SHISA6: variants seen among roughly 807,000 people sequenced by gnomAD.
SHISA6 encodes shisa family member 6, also known as protein shisa-6.
A neutral mutation model predicts 47.9 loss-of-function variants in SHISA6; 22 were observed. That is an observed-to-expected ratio of 0.46 (90% confidence interval 0.33 to 0.66). SHISA6 has a LOEUF of 0.66. Ranked by LOEUF, SHISA6 falls within the 30% of genes least tolerant of loss-of-function variation. The pLI, the probability that SHISA6 is intolerant of heterozygous loss-of-function variation, is 0.02. For missense variants in SHISA6, 680 were observed against 764.6 expected, an observed-to-expected ratio of 0.89 and a Z score of 1.30; for synonymous variants, 388 against 337.8, an observed-to-expected ratio of 1.15 and a Z score of -1.63.
At chr17:11,521,641 C>CA (rs1172464898) in intron 3 of SHISA6, among the ~76,000 whole-genome samples, 2 of 151,496 alleles carry the variant, frequency 1.3e-5, no homozygotes, top group African/African-American at 2.4e-5. Context: ...CCCATCTCTA[C>CA]AAAAAACAAA....
chr17:11,306,828 T>TA (rs1910125716), intron 2 of SHISA6, among the ~76,000 whole-genome samples: 9 of 152,234 alleles, frequency 5.9e-5, no homozygotes, highest in Admixed American at 5.9e-4. Flanking sequence ...ATCTGCTTTA[T>TA]CCTTTGCTTC....
chr17:11,250,024 C>T (rs971759610), intron 1 of SHISA6, among the ~76,000 whole-genome samples: 5 of 152,170 alleles, frequency 3.3e-5, no homozygotes, highest in African/African-American at 4.8e-5. Flanking sequence ...ATGCTTTATC[C>T]GTGTGTCAGG....
At chr17:11,495,993 T>TCATCCACC (rs2071404614) in intron 3 of SHISA6, among the ~76,000 whole-genome samples, 1 of 148,736 alleles carries the variant, frequency 6.7e-6, no homozygotes. Flanking sequence ...ATTTATCCAT[T>TCATCCACC]CATCCATCCA....
At chr17:11,334,088 C>G (rs1911230124) in intron 2 of SHISA6, among the ~76,000 whole-genome samples, 1 of 152,102 alleles carries the variant, frequency 6.6e-6, no homozygotes, top group Non-Finnish European at 1.5e-5. Context: ...GTGAGCCATT[C>G]CAGAAATTAC....
chr17:11,525,184 G>A (rs527671460), intron 3 of SHISA6, among the ~76,000 whole-genome samples: 3 of 152,254 alleles, frequency 2.0e-5, no homozygotes, highest in Non-Finnish European at 4.4e-5. Flanking sequence ...CTACTCACCT[G>A]CATATTTGAT....
At chr17:11,499,003 T>A (rs549490227) in intron 3 of SHISA6, among the ~76,000 whole-genome samples, 3 of 152,046 alleles carry the variant, frequency 2.0e-5, no homozygotes, top group Non-Finnish European at 4.4e-5. Context: ...GAAGCTGCAG[T>A]CACACCACCT....
intron 2 of SHISA6, among the ~76,000 whole-genome samples, chr17:11,354,841 C>T (rs956059137): frequency 6.6e-6 from 1 of 152,216 alleles, no homozygotes; most frequent in African/African-American, 2.4e-5. Flanking sequence ...GGAAGGCTCT[C>T]TTTCTTCCCA....
chr17:11,525,632 AAAAAAAAAAAAAAAAAAAAC>A (rs1425838354), intron 3 of SHISA6, among the ~76,000 whole-genome samples: 6 of 19,950 alleles, frequency 3.0e-4, no homozygotes, highest in Non-Finnish European at 3.6e-4. Context: ...ACTCCGTCTC[AAAAAAAAAAAAAAAAAAAAC>A]AAAAAAAAAA....
Position 11,555,795 on chromosome 17 carries a change from C to T in SHISA6, c.1008C>T (p.Ser336=). The T allele has an allele frequency of 1.3e-6, 2 of 1,551,968 alleles. No homozygotes were observed. Among genetic ancestry groups the T allele is most frequent in the Non-Finnish European group, 1.7e-6 (2 of 1,146,974 alleles). The change falls in exon 5 of 6, where the codon TCC becomes TCT. Residue 336 remains serine (S), a synonymous_variant. Transcript: ENST00000441885. ...CAGCCACCGAGCCCTATGACCTCTCCTTCTCCCGCTCGTTCCAGAACTTGG... is the reference window on the plus strand; with the variant it reads ...CAGCCACCGAGCCCTATGACCTCTCTTTCTCCCGCTCGTTCCAGAACTTGG... ...LTSATEPYDL[S]FSRSFQNLAH... is the part of the protein sequence containing the mutation.
intron 2 of SHISA6, among the ~76,000 whole-genome samples, chr17:11,308,130 A>G (rs534587122): frequency 8.1e-4 from 123 of 152,304 alleles, no homozygotes; most frequent in Non-Finnish European, 1.4e-3. Context: ...GGGGGCCTTT[A>G]GAAATGCTGG....
intron 2 of SHISA6, among the ~76,000 whole-genome samples, chr17:11,311,174 C>T (rs531703739): frequency 1.4e-5 from 2 of 145,448 alleles, no homozygotes; most frequent in Admixed American, 1.4e-4. Context: ...TCCAGCTACT[C>T]AGGAGGCTGA....
At chr17:11,386,672 G>T (rs1466556111) in intron 3 of SHISA6, among the ~76,000 whole-genome samples, 3 of 152,196 alleles carry the variant, frequency 2.0e-5, no homozygotes, top group African/African-American at 7.2e-5. Flanking sequence ...AACATTCTTG[G>T]TAAGTGAAAG....
intron 3 of SHISA6, among the ~76,000 whole-genome samples, chr17:11,451,378 C>G (rs12940269): frequency 2.0e-5 from 3 of 152,116 alleles, no homozygotes; most frequent in South Asian, 2.1e-4. Context: ...TTCATTCATC[C>G]GACAAAAGCT....
intron 2 of SHISA6, among the ~76,000 whole-genome samples, chr17:11,319,629 G>C (rs1910646077): frequency 6.6e-6 from 1 of 152,268 alleles, no homozygotes; most frequent in East Asian, 1.9e-4. Context: ...AGTCATGTTT[G>C]ACTAGCCTTC....
intron 2 of SHISA6, among the ~76,000 whole-genome samples, chr17:11,294,789 G>T (rs1443235296): frequency 6.6e-6 from 1 of 151,894 alleles, no homozygotes; most frequent in Non-Finnish European, 1.5e-5. Flanking sequence ...CTAAAAGATT[G>T]GTTCTTACAA....
chr17:11,394,904 TTGCA>T (rs1365691970), intron 3 of SHISA6, among the ~76,000 whole-genome samples: 1 of 151,906 alleles, frequency 6.6e-6, no homozygotes, highest in African/African-American at 2.4e-5. Flanking sequence ...ATGTACAGTT[TTGCA>T]ACTATATGTA....
At chr17:11,275,074 A>G (rs1567557518) in intron 2 of SHISA6, among the ~76,000 whole-genome samples, 1 of 152,148 alleles carries the variant, frequency 6.6e-6, no homozygotes, top group Admixed American at 6.6e-5. Context: ...AGGAGTGATT[A>G]AAGATTTGGG....
intron 3 of SHISA6, among the ~76,000 whole-genome samples, chr17:11,449,101 T>C (rs1597520108): frequency 6.6e-6 from 1 of 152,090 alleles, no homozygotes; most frequent in Non-Finnish European, 1.5e-5. Context: ...CATGAAGCAT[T>C]GACATGAATG....
At chr17:11,552,854 G>T (rs1387662946) in intron 4 of SHISA6, among the ~76,000 whole-genome samples, 1 of 152,190 alleles carries the variant, frequency 6.6e-6, no homozygotes, top group Non-Finnish European at 1.5e-5. Flanking sequence ...AGGTTGTGGG[G>T]TCTAAAAAGT....
Sources: gnomAD v4.1 joint callset for allele counts (sites outside exome capture counted in the v4.1 genomes callset) on GRCh38, gnomAD v4.1.1 for gene constraint, MANE v1.5 for transcripts, NCBI Gene and HGNC (gene_info 2026-07-23, HGNC 2026-07-21) for gene names.